The following REV3L variants were observed in gnomAD, a reference collection of about 807,000 sequenced individuals.
REV3L encodes the protein REV3 like, DNA directed polymerase zeta catalytic subunit, also known as DNA polymerase zeta catalytic subunit.
In REV3L, 69 loss-of-function variants were observed where a neutral mutation model predicts 299.4. The observed-to-expected ratio is 0.23, with a 90% CI of 0.19 to 0.28. The LOEUF is 0.28. Ranked by LOEUF, REV3L falls within the 10% of genes least tolerant of loss-of-function variation. The pLI is 1.00. For missense variants in REV3L, 3,128 were observed against 3,693.8 expected (o/e 0.85, Z 3.97); for synonymous variants, 1,238 against 1,271.4 (o/e 0.97, Z 0.56).
intron 1 of REV3L, among the ~76,000 whole-genome samples, chr6:111,416,740 T>C (rs1459343092): frequency 6.6e-6 from 1 of 152,236 alleles, no homozygotes; most frequent in Non-Finnish European, 1.5e-5. Flanking sequence ...ACCCTCATAA[T>C]CCAACTAGTC....
chr6:111,372,588 C>G lies in REV3L; in HGVS notation c.5759+8G>C. 1 of 1,467,330 alleles carries G rather than the reference C, an allele frequency of 6.8e-7. No individual in the cohort carries two copies. The highest frequency in any genetic ancestry group is 9.0e-7 in the Non-Finnish European group (1 of 1,108,982). 90.9% of individuals were successfully genotyped at this position (1,467,330 alleles called of 1,614,324 possible). A position where few individuals can be genotyped will look rare whatever the true frequency, so the allele number is the denominator to read the frequency against. ...CAGAGTGACCCAAGGGAAAAAATAA[C>G]TGATTACCTGGGCTTTTCTGGTACA... On this transcript the variant is annotated splice_region_variant and intron_variant, in intron 13 of 31. Transcript: ENST00000368802.
chr6:111,431,235 G>T, intron 1 of REV3L: 1 of 1,549,060 alleles, frequency 6.5e-7, no homozygotes, highest in South Asian at 1.1e-5. Context: ...CAAAAGGAGG[G>T]CATTCCAGGA....
chr6:111,379,558 T>C (rs988864491), intron 11 of REV3L, among the ~76,000 whole-genome samples: 1 of 152,224 alleles, frequency 6.6e-6, no homozygotes, highest in Non-Finnish European at 1.5e-5. Context: ...TATTTATTTG[T>C]TTTTAACCTT....
At chr6:111,342,498 C>A (rs573312786) in intron 21 of REV3L, among the ~76,000 whole-genome samples, 4 of 152,224 alleles carry the variant, frequency 2.6e-5, no homozygotes, top group African/African-American at 7.2e-5. Context: ...GAAACCCCGT[C>A]TCTACTAAAA....
At chr6:111,464,301 T>A (rs1791154711) in intron 1 of REV3L, among the ~76,000 whole-genome samples, 1 of 152,168 alleles carries the variant, frequency 6.6e-6, no homozygotes, top group African/African-American at 2.4e-5. Context: ...GGCAAATCTA[T>A]CTTTTTATAA....
intron 20 of REV3L, among the ~76,000 whole-genome samples, chr6:111,346,202 T>C (rs1308650925): frequency 1.3e-5 from 2 of 152,198 alleles, no homozygotes; most frequent in African/African-American, 2.4e-5. Context: ...CAGTAAATAT[T>C]TGTTGAATTG....
At chr6:111,351,243 TA>T (rs1223851501) in intron 19 of REV3L, among the ~76,000 whole-genome samples, 6 of 151,518 alleles carry the variant, frequency 4.0e-5, no homozygotes, top group East Asian at 1.9e-4. Context: ...CAAAATGGAT[TA>T]AAAAAAACAG....
At chr6:111,338,312 CTTTTTTTTTTTTTTTTTTTTTTTTTTT>C (rs144497761) in intron 21 of REV3L, among the ~76,000 whole-genome samples, 15,423 of 48,560 alleles carry the variant, frequency 0.32, 1,522 homozygotes, top group Middle Eastern at 0.48. Flanking sequence ...GTCTAAAGTC[CTTTTTTTTTTTTTTTTTTTTTTTTTTT>C]TTTTTTTTTT....
Position 111,381,329 on chromosome 6 carries a change from A to G in REV3L, c.1212T>C (p.Val404=), listed in dbSNP as rs1448133097. ...PLTQRLSESP[V]FMDSSPDEAL... ...TATGGTAGCACTGTTACTTACTGAAAACAGGTGACTCACTCAGTCTTTGGG... is the reference window on the plus strand; with the variant it reads ...TATGGTAGCACTGTTACTTACTGAAGACAGGTGACTCACTCAGTCTTTGGG... Residue 404 remains valine, a synonymous_variant, in exon 10 of 32, where the codon GTT becomes GTC. Transcript: ENST00000368802. 1 of 1,613,504 alleles carries G rather than the reference A, an allele frequency of 6.2e-7. No individual in the cohort carries two copies. Among genetic ancestry groups the G allele is most frequent in the Non-Finnish European group, 8.5e-7 (1 of 1,179,818 alleles).
intron 3 of REV3L, among the ~76,000 whole-genome samples, chr6:111,408,772 C>T (rs749932533): frequency 1.3e-5 from 2 of 152,182 alleles, no homozygotes; most frequent in Non-Finnish European, 2.9e-5. Flanking sequence ...GCAACCTCCA[C>T]CTCTGGGGTT....
At chr6:111,304,953 T>G (rs1772107577) in intron 31 of REV3L, among the ~76,000 whole-genome samples, 1 of 151,790 alleles carries the variant, frequency 6.6e-6, no homozygotes, top group South Asian at 2.1e-4. Flanking sequence ...TTTTTTTTTT[T>G]TTTTTGAGAC....
chr6:111,321,868 T>C (rs566543940), intron 26 of REV3L, among the ~76,000 whole-genome samples: 1 of 152,328 alleles, frequency 6.6e-6, no homozygotes, highest in East Asian at 1.9e-4. Context: ...CTGTAAGAAA[T>C]TTGAATAGTG....
chr6:111,300,283 TTTCA>T, intron 31 of REV3L, 127 bp from the exon 32 acceptor site: 1 of 627,614 alleles, frequency 1.6e-6, no homozygotes, highest in Non-Finnish European at 2.5e-6. Context: ...TTACAGAAAC[TTTCA>T]TTAATTTTAA....
intron 13 of REV3L, among the ~76,000 whole-genome samples, chr6:111,369,174 C>T (rs919698247): frequency 6.7e-6 from 1 of 149,506 alleles, no homozygotes; most frequent in Non-Finnish European, 1.5e-5. Flanking sequence ...GGTGAGGTGT[C>T]GGGAGGCTGA....
At chr6:111,303,158 T>TTTCA in intron 31 of REV3L, among the ~76,000 whole-genome samples, 1 of 49,458 alleles carries the variant, frequency 2.0e-5, no homozygotes, top group African/African-American at 1.0e-4. Context: ...GAGGCTTTCT[T>TTTCA]TTCTTTCTTT....
At position 111,405,614 on chromosome 6, in the gene REV3L, G is replaced by C; in HGVS notation, c.421C>G (p.Gln141Glu). 6.3e-7 allele frequency: 1 copy of C among 1,594,818 alleles called. No individual in the cohort carries two copies. The highest frequency in any genetic ancestry group is 8.5e-7 in the Non-Finnish European group (1 of 1,173,450). Residue 141 changes from glutamine to glutamate, a missense_variant, in exon 4 of 32, where the codon CAA becomes GAA. Physicochemically the swap from Gln to Glu is conservative, Grantham distance 29. This residue lies in a region of REV3L where 2,409 missense variants were observed against 2,611.8 expected (regional missense o/e 0.92). Transcript: ENST00000368802. ...TMVKRICELL[Q>E]SGAIMNKFYQ... ...AATTTATTCATTATGGCTCCGCTTT[G>C]CAAAAGTTCACATATCCTAAATTAG...
intron 1 of REV3L, among the ~76,000 whole-genome samples, chr6:111,437,523 T>C (rs1787700379): frequency 6.6e-6 from 1 of 151,296 alleles, no homozygotes; most frequent in African/African-American, 2.4e-5. Flanking sequence ...CAATTTTTAA[T>C]TAAAATATTT....
chr6:111,413,095 G>C (rs1488184393), intron 2 of REV3L, among the ~76,000 whole-genome samples: 1 of 152,078 alleles, frequency 6.6e-6, no homozygotes, highest in Non-Finnish European at 1.5e-5. Context: ...TTGTTGCCAT[G>C]AAGAATTGGT....
intron 21 of REV3L, among the ~76,000 whole-genome samples, chr6:111,341,542 C>T (rs1270411591): frequency 6.6e-6 from 1 of 152,182 alleles, no homozygotes; most frequent in African/African-American, 2.4e-5. Context: ...TACAGCCTTA[C>T]AATTCAGTAA....
Sources: gnomAD v4.1 joint callset for allele counts (sites outside exome capture counted in the v4.1 genomes callset) on GRCh38, gnomAD v4.1.1 for gene constraint, gnomAD v4.1.1 regional missense constraint, MANE v1.5 for transcripts, NCBI Gene and HGNC (gene_info 2026-07-23, HGNC 2026-07-21) for gene names.